The following ITPRID1 variants were observed in gnomAD, a reference collection of about 807,000 sequenced individuals.
ITPRID1 encodes ITPR interacting domain containing 1.
In ITPRID1, 96 loss-of-function variants were observed where a neutral mutation model predicts 95.4. The ratio of observed to expected loss-of-function variants is 1.01; its 90% CI spans 0.85 to 1.19. The LOEUF (loss-of-function observed/expected upper bound fraction) is 1.19, where lower values mean the gene tolerates loss of function less well. Among genes scored for constraint, ITPRID1 ranks in the 50% most tolerant of loss-of-function variants. The pLI, the probability that ITPRID1 is intolerant of heterozygous loss-of-function variation, is 0.00. For missense variants in ITPRID1, 1,339 were observed against 1,252.9 expected (o/e 1.07, Z -1.04); for synonymous variants, 510 against 453.6 (o/e 1.12, Z -1.58).
intron 2 of ITPRID1, among the ~76,000 whole-genome samples, chr7:31,550,093 T>G (rs557937386): frequency 6.6e-6 from 1 of 152,314 alleles, no homozygotes; most frequent in African/African-American, 2.4e-5. Flanking sequence ...TTTAACATTT[T>G]TAAACCTTGA....
chr7:31,522,172 T>A (rs965441480), intron 1 of ITPRID1, among the ~76,000 whole-genome samples: 2 of 152,208 alleles, frequency 1.3e-5, no homozygotes, highest in Admixed American at 1.3e-4. Flanking sequence ...TCTCCGATGC[T>A]GCTCCCTATA....
rs914194173 is a variant in ITPRID1 at position 31,549,506 on chromosome 7, G to T, written c.-24+7G>T. On this transcript the variant is annotated splice_region_variant and intron_variant, in intron 2 of 14. Coordinates refer to ENST00000615280, the MANE Select transcript of ITPRID1 (RefSeq NM_001257967.3). Reference sequence around the variant, plus strand: ...AAACTGACCAATATGAGTGGTGATTGTTTTGGATATATTTTTCATTAAATT... The same window carrying T: ...AAACTGACCAATATGAGTGGTGATTTTTTTGGATATATTTTTCATTAAATT... The T allele has an allele frequency of 5.9e-6, 9 of 1,520,262 alleles. No individual in the cohort carries two copies. Among genetic ancestry groups the T allele is most frequent in the South Asian group, 4.9e-5 (4 of 81,028 alleles). 94.2% of individuals were successfully genotyped at this position (1,520,262 alleles called of 1,614,324 possible). A position where few individuals can be genotyped will look rare whatever the true frequency, so the allele number is the denominator to read the frequency against.
At chr7:31,624,887 A>G (rs1454800313) in intron 10 of ITPRID1, among the ~76,000 whole-genome samples, 1 of 152,254 alleles carries the variant, frequency 6.6e-6, no homozygotes, top group Non-Finnish European at 1.5e-5. Context: ...ACAAAGGGCT[A>G]ATATCCAGAA....
At chr7:31,545,619 C>G (rs1469269573) in intron 1 of ITPRID1, among the ~76,000 whole-genome samples, 1 of 152,084 alleles carries the variant, frequency 6.6e-6, no homozygotes, top group African/African-American at 2.4e-5. Context: ...AAGATGAATA[C>G]TCCAACTCCA....
At chr7:31,549,252 A>G (rs1378709367) in intron 1 of ITPRID1, among the ~76,000 whole-genome samples, 174 bp from the exon 2 acceptor site, 3 of 152,158 alleles carry the variant, frequency 2.0e-5, no homozygotes, top group Admixed American at 6.5e-5. Context: ...GGAAATCCAT[A>G]TTCTCATGGT....
At chr7:31,573,226 T>G (rs6462284) in intron 7 of ITPRID1, among the ~76,000 whole-genome samples, 55,535 of 152,056 alleles carry the variant, frequency 0.37, 11,728 homozygotes, top group East Asian at 0.56. Flanking sequence ...GAGAATATTA[T>G]TTCAGATGTT....
Position 31,577,851 on chromosome 7 carries a change from T to C in ITPRID1, c.599-12T>C. 1.3e-6 allele frequency: 2 copies of C among 1,554,686 alleles called. No individual in the cohort carries two copies. Among genetic ancestry groups the C allele is most frequent in the Admixed American group, 2.0e-5 (1 of 49,692 alleles). On this transcript the variant is annotated splice_polypyrimidine_tract_variant and intron_variant, in intron 8 of 14. Transcript: ENST00000615280. The stretch of plus-strand genomic sequence containing the variant: ...CCCAATCTGAAACTTTCGTGTTTCT[T>C]GTGTTGTGCAGGTCGTTTCCGACAG...
At chr7:31,613,198 G>T (rs1786958833) in intron 10 of ITPRID1, among the ~76,000 whole-genome samples, 1 of 152,132 alleles carries the variant, frequency 6.6e-6, no homozygotes, top group Non-Finnish European at 1.5e-5. Flanking sequence ...TTGTTTTAAG[G>T]CTAATGAAGA....
chr7:31,554,286 T>G, intron 3 of ITPRID1, 189 bp from the exon 4 acceptor site: 1 of 1,073,024 alleles, frequency 9.3e-7, no homozygotes. Context: ...TTACACTTCA[T>G]TCTCAGGAAA....
chr7:31,533,208 C>A (rs547801281), intron 1 of ITPRID1, among the ~76,000 whole-genome samples: 22 of 152,076 alleles, frequency 1.4e-4, no homozygotes, highest in African/African-American at 4.8e-4. Flanking sequence ...CTTAAAAAAT[C>A]TTTTTTTCCC....
intron 5 of ITPRID1, among the ~76,000 whole-genome samples, chr7:31,567,645 A>G (rs1288603646): frequency 1.3e-5 from 2 of 150,008 alleles, no homozygotes; most frequent in African/African-American, 2.5e-5. Context: ...GCAGTGGCGC[A>G]GTCTCCGCTC....
In ITPRID1 at chr7:31,557,738, G is replaced by C. The variant is rs959047430; in HGVS notation, c.256+2837G>C. 3.3e-5 allele frequency among the ~76,000 whole-genome samples: 5 copies of C among 152,282 alleles called. No individual in the cohort carries two copies. The East Asian group carries it at 5.8e-4, about 18-fold the overall frequency. On this transcript the variant is annotated intron_variant, in intron 5 of 14. Transcript: ENST00000615280. Reference sequence around the variant, plus strand: ...AGGTAAATATTACGTGGAGGAAAATGAGGCTCAGAAAGGTAAAGTAACTTG... The same window carrying C: ...AGGTAAATATTACGTGGAGGAAAATCAGGCTCAGAAAGGTAAAGTAACTTG...
intron 10 of ITPRID1, among the ~76,000 whole-genome samples, chr7:31,615,583 T>TAAGAC (rs1193475954): frequency 6.6e-6 from 1 of 152,120 alleles, no homozygotes; most frequent in Non-Finnish European, 1.5e-5. Flanking sequence ...TTAAGCAAAA[T>TAAGAC]AAGACATTAA....
intron 1 of ITPRID1, among the ~76,000 whole-genome samples, chr7:31,525,406 C>T (rs898034265): frequency 7.2e-5 from 11 of 152,176 alleles, no homozygotes; most frequent in African/African-American, 2.2e-4. Context: ...ATTCTCCACC[C>T]CATTGCGACA....
intron 5 of ITPRID1, among the ~76,000 whole-genome samples, chr7:31,566,393 C>G (rs1425185087): frequency 2.0e-5 from 3 of 152,168 alleles, no homozygotes; most frequent in African/African-American, 7.2e-5. Flanking sequence ...CAAAAAAGAC[C>G]AAAGCAGTGG....
intron 10 of ITPRID1, among the ~76,000 whole-genome samples, chr7:31,604,739 C>T (rs1282350991): frequency 6.6e-6 from 1 of 152,164 alleles, no homozygotes; most frequent in East Asian, 1.9e-4. Context: ...ACAAGTTTAA[C>T]AAGAGATGTG....
intron 10 of ITPRID1, among the ~76,000 whole-genome samples, chr7:31,634,087 T>A (rs1789258783): frequency 6.6e-6 from 1 of 152,150 alleles, no homozygotes; most frequent in Non-Finnish European, 1.5e-5. Flanking sequence ...CACTCTGTGG[T>A]TGGTGTAATG....
chr7:31,657,404 TAAAC>T (rs988784427), downstream of ITPRID1, among the ~76,000 whole-genome samples: 2 of 152,210 alleles, frequency 1.3e-5, no homozygotes, highest in African/African-American at 4.8e-5. Context: ...ATTTTTTAAA[TAAAC>T]AAAGATCTCA....
intron 6 of ITPRID1, among the ~76,000 whole-genome samples, chr7:31,571,782 G>C (rs1784998310): frequency 6.6e-6 from 1 of 152,134 alleles, no homozygotes; most frequent in Non-Finnish European, 1.5e-5. Context: ...CCTGAAAGTT[G>C]GTGCCTAGCA....
Sources: allele counts gnomAD v4.1 joint callset (sites outside exome capture counted in the v4.1 genomes callset), GRCh38; gene constraint gnomAD v4.1.1; transcripts MANE v1.5; gene names NCBI Gene and HGNC (gene_info 2026-07-23, HGNC 2026-07-21).